Variants in STARD13 observed in about 807,000 individuals in gnomAD.
STARD13 encodes the protein StAR related lipid transfer domain containing 13.
Under a neutral mutation model 106.4 loss-of-function variants are expected in STARD13, and 62 were observed. The observed-to-expected ratio is 0.58, with a 90% CI of 0.48 to 0.72. STARD13 has a LOEUF of 0.72. STARD13 is among the 30% of genes least tolerant of loss of function. The pLI, the probability that STARD13 is intolerant of heterozygous loss-of-function variation, is 0.00. For synonymous variants in STARD13, 565 were observed against 553.0 expected, an observed-to-expected ratio of 1.02 and a Z score of -0.31; for missense variants, 1,387 against 1,424.0, an observed-to-expected ratio of 0.97 and a Z score of 0.42.
chr13:33,664,895 G>A, the STARD13 span, among the ~76,000 whole-genome samples: 1 of 152,160 alleles, frequency 6.6e-6, no homozygotes, highest in African/African-American at 2.4e-5. Context: ...CAAAGTGTTG[G>A]GATTACAGGC....
At chr13:33,519,221 T>C in the STARD13 span, among the ~76,000 whole-genome samples, 1 of 136,016 alleles carries the variant, frequency 7.4e-6, no homozygotes, top group Non-Finnish European at 1.6e-5. Context: ...TCTTTCTTTC[T>C]TTCTTTCTTT....
At chr13:33,370,017 C>A in the STARD13 span, among the ~76,000 whole-genome samples, 1 of 152,198 alleles carries the variant, frequency 6.6e-6, no homozygotes, top group Non-Finnish European at 1.5e-5. Context: ...GGCCTTTATC[C>A]TAGATGTTTT....
chr13:33,208,649 G>A (rs190811880), intron 1 of STARD13, among the ~76,000 whole-genome samples: 179 of 152,258 alleles, frequency 1.2e-3, no homozygotes, highest in Non-Finnish European at 4.0e-4. Context: ...AAAGGGAAGC[G>A]TAGGCAGATG....
intron 2 of STARD13, among the ~76,000 whole-genome samples, chr13:33,167,013 A>T (rs73179007): frequency 9.8e-4 from 143 of 146,348 alleles, no homozygotes; most frequent in Non-Finnish European, 1.9e-3. Context: ...CAAAAAAAAA[A>T]CCAAAAAAAA....
intron 3 of STARD13, among the ~76,000 whole-genome samples, chr13:33,143,875 T>G (rs2858807): frequency 0.44 from 66,717 of 152,040 alleles, 15,177 homozygotes; most frequent in East Asian, 0.58. Context: ...ACCAATGAAT[T>G]TCTAACCATT....
chr13:33,417,884 A>C, the STARD13 span, among the ~76,000 whole-genome samples: 2 of 152,180 alleles, frequency 1.3e-5, no homozygotes, highest in African/African-American at 4.8e-5. Flanking sequence ...AATATACTAA[A>C]AATTATTGAC....
chr13:33,204,628 A>G (rs987271189), intron 1 of STARD13, among the ~76,000 whole-genome samples: 3 of 152,260 alleles, frequency 2.0e-5, no homozygotes, highest in African/African-American at 7.2e-5. Context: ...GGAAAAGCAG[A>G]AATAGATCAA....
At chr13:33,360,726 A>ATTCCTTCTGTGTAGT in the STARD13 span, among the ~76,000 whole-genome samples, 2 of 134,638 alleles carry the variant, frequency 1.5e-5, no homozygotes, top group African/African-American at 2.7e-5. Context: ...AGACAGAAGG[A>ATTCCTTCTGTGTAGT]CATATTGTTG....
chr13:33,484,060 C>G, the STARD13 span, among the ~76,000 whole-genome samples: 1 of 152,078 alleles, frequency 6.6e-6, no homozygotes, highest in Non-Finnish European at 1.5e-5. Flanking sequence ...TTGAAACCAC[C>G]TTTGCAGAAG....
At chr13:33,672,238 C>G in the STARD13 span, among the ~76,000 whole-genome samples, 1 of 152,112 alleles carries the variant, frequency 6.6e-6, no homozygotes, top group African/African-American at 2.4e-5. Context: ...GGCTAGAAAC[C>G]AACATTCTCA....
the STARD13 span, among the ~76,000 whole-genome samples, chr13:33,501,171 G>A: frequency 1.4e-5 from 2 of 144,388 alleles, no homozygotes; most frequent in African/African-American, 2.7e-5. Flanking sequence ...CTGTCTCCCG[G>A]GTTCAAGCAA....
chr13:33,265,887 ATGGGGAG>A (rs1383826959), intron 1 of STARD13, among the ~76,000 whole-genome samples: 3 of 152,118 alleles, frequency 2.0e-5, no homozygotes, highest in South Asian at 4.1e-4. Context: ...GGTTCTTATC[ATGGGGAG>A]TGGGGAGAGA....
chr13:33,308,299 C>T (rs1469280066), intron 1 of STARD13, among the ~76,000 whole-genome samples: 8 of 152,032 alleles, frequency 5.3e-5, no homozygotes, highest in Non-Finnish European at 7.4e-5. Context: ...CAGTGCATGG[C>T]GAAAATAGAG....
chr13:33,523,985 G>A, the STARD13 span, among the ~76,000 whole-genome samples: 2 of 151,942 alleles, frequency 1.3e-5, no homozygotes, highest in Non-Finnish European at 2.9e-5. Flanking sequence ...TGGTTACAAT[G>A]GACTAACCGT....
chr13:33,320,009 C>T (rs114154532), intron 1 of STARD13, among the ~76,000 whole-genome samples: 1 of 152,158 alleles, frequency 6.6e-6, no homozygotes, highest in African/African-American at 2.4e-5. Flanking sequence ...CCTCTGTAAA[C>T]TTGGATAATA....
At chr13:33,550,372 T>C in the STARD13 span, among the ~76,000 whole-genome samples, 1 of 152,358 alleles carries the variant, frequency 6.6e-6, no homozygotes, top group South Asian at 2.1e-4. Flanking sequence ...GCGTGCTGCA[T>C]TAGCACATCC....
chr13:33,618,945 G>C, the STARD13 span, among the ~76,000 whole-genome samples: 1 of 151,936 alleles, frequency 6.6e-6, no homozygotes, highest in Non-Finnish European at 1.5e-5. Context: ...TGTGTGTTTT[G>C]TGGATTCATG....
intron 1 of STARD13, among the ~76,000 whole-genome samples, chr13:33,250,851 T>C (rs9597055): frequency 0.23 from 35,513 of 152,154 alleles, 4,556 homozygotes; most frequent in African/African-American, 0.32. Flanking sequence ...TCTTGTTTGC[T>C]AGATCATAAA....
chr13:33,414,032 C>CAAAAAAAAAAAAA, the STARD13 span, among the ~76,000 whole-genome samples: 6 of 48,092 alleles, frequency 1.2e-4, no homozygotes, highest in African/African-American at 1.8e-4. Flanking sequence ...GATTCCCTCT[C>CAAAAAAAAAAAAA]AAAAAAAAAA....
Sources: gnomAD v4.1 joint callset for allele counts (sites outside exome capture counted in the v4.1 genomes callset) on GRCh38, gnomAD v4.1.1 for gene constraint, MANE v1.5 for transcripts, NCBI Gene and HGNC (gene_info 2026-07-23, HGNC 2026-07-21) for gene names.